Variants in COL4A5 observed in about 807,000 individuals in gnomAD.
The protein encoded by COL4A5 is collagen alpha-5(IV) chain.
In COL4A5, 26 loss-of-function variants were observed where a neutral mutation model predicts 130.2. That is an observed-to-expected ratio of 0.20 (90% CI 0.15 to 0.28). COL4A5 has a LOEUF of 0.28. Among genes scored for constraint, COL4A5 ranks in the 10% least tolerant of loss-of-function variants. COL4A5 has a pLI of 1.00. For missense variants in COL4A5, 1,131 were observed against 1,344.3 expected (o/e 0.84, Z 2.48); for synonymous variants, 496 against 439.6 (o/e 1.13, Z -1.60).
At chrX:108,526,128 T>G (rs1157127687) in intron 1 of COL4A5, among the ~76,000 whole-genome samples, 3 of 111,475 alleles carry the variant, frequency 2.7e-5, no homozygotes, top group African/African-American at 9.8e-5. Context: ...TGTGAGATAC[T>G]GTAGTGCTTA....
chrX:108,554,852 A>G (rs1240903911), intron 2 of COL4A5, among the ~76,000 whole-genome samples: 1 of 111,472 alleles, frequency 9.0e-6, no homozygotes. Context: ...ACAAGGTGAG[A>G]TCCTGTCTCA....
intron 50 of COL4A5, chrX:108,694,106 A>C (rs1185359501): frequency 1.8e-5 from 2 of 110,182 alleles, no homozygotes; most frequent in Non-Finnish European, 3.8e-5. Flanking sequence ...CTTGGGAGTA[A>C]AAGCTTGTCT....
At chrX:108,525,073 G>C (rs4829438) in intron 1 of COL4A5, among the ~76,000 whole-genome samples, 43,212 of 110,466 alleles carry the variant, frequency 0.39, 8,003 homozygotes, top group East Asian at 0.72. Context: ...CTGTTCCACT[G>C]ATTATTAAAA....
intron 28 of COL4A5, among the ~76,000 whole-genome samples, chrX:108,605,370 C>T (rs1230650126): frequency 1.8e-5 from 2 of 111,386 alleles, no homozygotes; most frequent in Non-Finnish European, 1.9e-5. Flanking sequence ...GAGAGAGATG[C>T]GGGGAAAATG....
intron 19 of COL4A5, among the ~76,000 whole-genome samples, chrX:108,588,450 A>C (rs977354615): frequency 1.8e-5 from 2 of 111,356 alleles, no homozygotes; most frequent in African/African-American, 6.5e-5. Flanking sequence ...ATTGAAATAA[A>C]GAATTATCTC....
At chrX:108,647,857 G>T (rs773311676) in intron 36 of COL4A5, among the ~76,000 whole-genome samples, 121 of 111,539 alleles carry the variant, frequency 1.1e-3, no homozygotes, top group African/African-American at 3.5e-3. Flanking sequence ...TTTTGTCTTT[G>T]GTTCTGTTTA....
chrX:108,644,919 C>CA (rs778790757), intron 36 of COL4A5, among the ~76,000 whole-genome samples: 1,036 of 47,453 alleles, frequency 0.022, 9 homozygotes, highest in Middle Eastern at 0.044. Context: ...ACAACAACAA[C>CA]AAAAAAAAAA....
chrX:108,573,545 T>C, intron 8 of COL4A5, 29 bp from the exon 9 acceptor site: 1 of 1,083,544 alleles, frequency 9.2e-7, no homozygotes, highest in Non-Finnish European at 1.3e-6. Flanking sequence ...TAACTGTGTC[T>C]TAGAACTTCC....
At chrX:108,519,313 C>T (rs1022502534) in intron 1 of COL4A5, among the ~76,000 whole-genome samples, 4 of 111,007 alleles carry the variant, frequency 3.6e-5, no homozygotes, top group Non-Finnish European at 5.7e-5. Flanking sequence ...TTATGAGACT[C>T]ATGGGAGTGG....
intron 1 of COL4A5, among the ~76,000 whole-genome samples, chrX:108,510,952 A>G (rs2065174464): frequency 9.0e-6 from 1 of 111,585 alleles, no homozygotes; most frequent in African/African-American, 3.3e-5. Flanking sequence ...CATATCTATC[A>G]TCTCATACCT....
Position 108,653,372 on chromosome X carries a change from G to GT in COL4A5, c.3247-1949dup, listed in dbSNP as rs371309801. Reference sequence around the variant, plus strand: ...TACCTAACCTTTTATATACTGTGTGGTTTTTTTTTTCCATCTGGTAACAGA... The same window carrying GT: ...TACCTAACCTTTTATATACTGTGTGGTTTTTTTTTTTCCATCTGGTAACAGA... On this transcript the variant is annotated intron_variant, in intron 36 of 52. Transcript: ENST00000328300. 1.5e-3 allele frequency among the ~76,000 whole-genome samples: 164 copies of GT among 105,973 alleles called. 1 individual carries two copies. The highest frequency in any genetic ancestry group is 1.0e-2 in the Middle Eastern group (2 of 201). The allele number at this position is 105,973 out of a possible 115,157, so 92.0% of individuals were successfully genotyped here. A position where few individuals can be genotyped will look rare whatever the true frequency, so the allele number is the denominator to read the frequency against.
chrX:108,580,679 C>T lies in COL4A5; in HGVS notation c.835-3C>T. On this transcript the variant is annotated splice_region_variant and splice_polypyrimidine_tract_variant and intron_variant, in intron 14 of 52. Coordinates refer to ENST00000328300, the MANE Select transcript of COL4A5 (RefSeq NM_033380.3). ...CATTGTGAAACTATTTTTATGTGTA[C>T]AGGGTCCCCCAGGTGGTGAGAAAGG... 8.3e-7 allele frequency: 1 copy of T among 1,209,271 alleles called. No individual in the cohort carries two copies. The highest frequency in any genetic ancestry group is 1.1e-6 in the Non-Finnish European group (1 of 893,653).
chrX:108,658,296 A>G (rs2067885432), intron 37 of COL4A5, among the ~76,000 whole-genome samples: 1 of 111,435 alleles, frequency 9.0e-6, no homozygotes, highest in South Asian at 3.7e-4. Flanking sequence ...TTCTTGGGAT[A>G]AACTCCAAGA....
intron 36 of COL4A5, among the ~76,000 whole-genome samples, chrX:108,630,357 G>A (rs1312684778): frequency 9.0e-6 from 1 of 111,679 alleles, no homozygotes; most frequent in Non-Finnish European, 1.9e-5. Context: ...ATTCTAACTG[G>A]TGTGAGATGG....
chrX:108,518,138 T>C (rs2065236762), intron 1 of COL4A5, among the ~76,000 whole-genome samples: 1 of 111,459 alleles, frequency 9.0e-6, no homozygotes, highest in Non-Finnish European at 1.9e-5. Flanking sequence ...AGTCACAGAA[T>C]CTACTCTTAG....
chrX:108,571,909 A>G, intron 8 of COL4A5, 72 bp downstream of exon 8: 1 of 814,424 alleles, frequency 1.2e-6, no homozygotes, highest in Non-Finnish European at 1.9e-6. Flanking sequence ...CAATAGGATA[A>G]TGACTCAAAC....
At chrX:108,665,628 A>G in intron 38 of COL4A5, 41 bp downstream of exon 38, 1 of 944,467 alleles carries the variant, frequency 1.1e-6, no homozygotes. Context: ...TATAAAACTA[A>G]TGTTTATCAT....
intron 46 of COL4A5, 123 bp from the exon 47 acceptor site, chrX:108,681,637 T>C (rs2068432281): frequency 3.9e-6 from 3 of 770,498 alleles, no homozygotes; most frequent in Non-Finnish European, 4.0e-6. Context: ...TTCTGTTAGA[T>C]ATGGCAGCAA....
In COL4A5 at chrX:108,681,797, C is replaced by T. The variant is rs139309774; in HGVS notation, c.4125C>T (p.Ile1375=). ...TACCTGGTCCTTCAGGACAGAGTAT[C>T]ATAATTAAAGGAGATGCTGGTCCTC... ...PGLPGPSGQS[I]IIKGDAGPPG... is the part of the protein sequence containing the mutation. The change falls in exon 47 of 53, where the codon ATC becomes ATT. Residue 1375 remains isoleucine (I), a synonymous_variant. Coordinates refer to ENST00000328300, the MANE Select transcript of COL4A5 (RefSeq NM_033380.3). 11 of 1,206,692 alleles carry T rather than the reference C, an allele frequency of 9.1e-6. No homozygotes were observed. In the South Asian group the frequency reaches 1.4e-4, roughly 15 times the overall value.
Sources: gnomAD v4.1 joint callset for allele counts (sites outside exome capture counted in the v4.1 genomes callset) on GRCh38, gnomAD v4.1.1 for gene constraint, MANE v1.5 for transcripts, NCBI Gene and HGNC (gene_info 2026-07-23, HGNC 2026-07-21) for gene names.